Variants in CLIC5 observed in about 807,000 individuals in gnomAD.
The protein encoded by CLIC5 is CLIC family member 5, also known as chloride intracellular channel protein 5.
In CLIC5, 20 loss-of-function variants were observed where a neutral mutation model predicts 24.7. The observed-to-expected ratio is 0.81, with a 90% CI of 0.57 to 1.18. CLIC5 has a LOEUF of 1.18. Ranked by LOEUF, CLIC5 falls within the 50% of genes most tolerant of loss-of-function variation. CLIC5 has a pLI of 0.00. For missense variants in CLIC5, 341 were observed against 326.1 expected, an observed-to-expected ratio of 1.05 and a Z score of -0.35; for synonymous variants, 159 against 135.6, an observed-to-expected ratio of 1.17 and a Z score of -1.20.
At chr6:46,001,839 T>A (rs1256366597) in intron 1 of CLIC5, among the ~76,000 whole-genome samples, 1 of 151,954 alleles carries the variant, frequency 6.6e-6, no homozygotes, top group African/African-American at 2.4e-5. Context: ...TCTAAAGGAG[T>A]AGGGATACTG....
At chr6:45,994,826 G>T (rs1419643609) in intron 1 of CLIC5, among the ~76,000 whole-genome samples, 2 of 152,056 alleles carry the variant, frequency 1.3e-5, no homozygotes, top group Non-Finnish European at 2.9e-5. Context: ...ATCCTTGACA[G>T]TTGGTTACAA....
intron 1 of CLIC5, among the ~76,000 whole-genome samples, chr6:45,976,274 G>A (rs1256642101): frequency 6.6e-6 from 1 of 152,174 alleles, no homozygotes; most frequent in East Asian, 1.9e-4. Flanking sequence ...GTTTACTACT[G>A]GGTGGGACAT....
rs1257313725 is a variant in CLIC5, at chr6:45,904,744, C to CT, written c.589-1490dup. ...CTCTCCTTCTCTTCCTTCCTTCCCTCTTTTTTTTGGGGGGATACAAGGGGG... is the reference window on the plus strand; with the variant it reads ...CTCTCCTTCTCTTCCTTCCTTCCCTCTTTTTTTTTGGGGGGATACAAGGGGG... On this transcript the variant is annotated intron_variant, in intron 5 of 5. Coordinates refer to ENST00000339561, the MANE Select transcript of CLIC5 (RefSeq NM_016929.5). Among the ~76,000 whole-genome samples, 4 of 145,600 alleles carry CT rather than the reference C, an allele frequency of 2.7e-5. 1 individual carries two copies. The highest frequency in any genetic ancestry group is 4.5e-4 in the South Asian group (2 of 4,406).
intron 4 of CLIC5, among the ~76,000 whole-genome samples, chr6:45,921,363 A>G (rs1763252688): frequency 6.6e-6 from 1 of 152,188 alleles, no homozygotes; most frequent in South Asian, 2.1e-4. Flanking sequence ...AGGAAGAAAC[A>G]GAGAATCTGG....
chr6:45,948,919 TCA>T (rs1764375508), intron 3 of CLIC5, among the ~76,000 whole-genome samples: 1 of 152,144 alleles, frequency 6.6e-6, no homozygotes, highest in South Asian at 2.1e-4. Context: ...AACTTTGTCC[TCA>T]CTTCAACGTC....
intron 1 of CLIC5, among the ~76,000 whole-genome samples, chr6:46,046,540 G>T (rs1280873475): frequency 6.6e-6 from 1 of 152,192 alleles, no homozygotes; most frequent in Non-Finnish European, 1.5e-5. Flanking sequence ...AGCCTGTATG[G>T]TCAATTCAGT....
At chr6:45,889,198 T>C (rs959129111) in intron 6 of CLIC5, among the ~76,000 whole-genome samples, 10 of 146,692 alleles carry the variant, frequency 6.8e-5, no homozygotes, top group African/African-American at 2.6e-4. Flanking sequence ...GCTAGCAGAT[T>C]TGATGTCTAG....
intron 1 of CLIC5, among the ~76,000 whole-genome samples, chr6:46,006,095 T>C (rs1403062865): frequency 2.3e-5 from 1 of 43,726 alleles, no homozygotes; most frequent in Non-Finnish European, 4.2e-5. Flanking sequence ...TATAAATACA[T>C]ATATATATAT....
intron 1 of CLIC5, among the ~76,000 whole-genome samples, chr6:46,048,787 G>C (rs756603909): frequency 3.9e-5 from 6 of 152,152 alleles, no homozygotes; most frequent in Non-Finnish European, 5.9e-5. Context: ...TGTCTCCCGG[G>C]GGAAGAATGG....
chr6:46,120,959 G>GT, the CLIC5 span, among the ~76,000 whole-genome samples: 20 of 148,594 alleles, frequency 1.3e-4, no homozygotes, highest in South Asian at 2.1e-4. Flanking sequence ...TGTCTAATTG[G>GT]TTACCTGAAA....
intron 1 of CLIC5, among the ~76,000 whole-genome samples, chr6:45,973,664 C>A (rs1765276915): frequency 6.6e-6 from 1 of 152,168 alleles, no homozygotes; most frequent in Admixed American, 6.5e-5. Context: ...GGTGGCCGGG[C>A]ACAGTGGCCC....
chr6:46,043,142 T>A (rs1402877231), intron 1 of CLIC5, among the ~76,000 whole-genome samples: 1 of 152,204 alleles, frequency 6.6e-6, no homozygotes, highest in Non-Finnish European at 1.5e-5. Flanking sequence ...TGGTTGCAGT[T>A]ACTAGATGCA....
downstream of CLIC5, among the ~76,000 whole-genome samples, chr6:45,894,895 A>G (rs1038031133): frequency 1.3e-5 from 2 of 150,318 alleles, no homozygotes; most frequent in Admixed American, 6.6e-5. Flanking sequence ...TTCTGGAGAA[A>G]GTAGCAAGTT....
At chr6:45,910,744 T>C (rs1283889393) in intron 5 of CLIC5, among the ~76,000 whole-genome samples, 1 of 152,198 alleles carries the variant, frequency 6.6e-6, no homozygotes, top group Non-Finnish European at 1.5e-5. Flanking sequence ...TTTTTTGTGA[T>C]GCTGGGGCTA....
intron 1 of CLIC5, among the ~76,000 whole-genome samples, chr6:45,986,291 G>T (rs1008604714): frequency 6.6e-6 from 1 of 152,138 alleles, no homozygotes; most frequent in Non-Finnish European, 1.5e-5. Context: ...AGGAATGCAG[G>T]GTGGTCAGAA....
At chr6:46,103,156 G>A in the CLIC5 span, among the ~76,000 whole-genome samples, 1 of 152,014 alleles carries the variant, frequency 6.6e-6, no homozygotes, top group Non-Finnish European at 1.5e-5. Context: ...CTATAGTCCT[G>A]TAACTAGTTG....
chr6:46,060,304 A>AT (rs1291235525), intron 1 of CLIC5, among the ~76,000 whole-genome samples: 3 of 152,120 alleles, frequency 2.0e-5, no homozygotes, highest in Non-Finnish European at 4.4e-5. Context: ...CTTATTAAAA[A>AT]TTTTTTTAAT....
chr6:46,104,846 C>T, the CLIC5 span, among the ~76,000 whole-genome samples: 1 of 152,126 alleles, frequency 6.6e-6, no homozygotes, highest in Non-Finnish European at 1.5e-5. Flanking sequence ...AGCCCTTGTA[C>T]ATTAAAACTG....
At chr6:45,912,414 A>T in intron 5 of CLIC5, 1 of 1,123,566 alleles carries the variant, frequency 8.9e-7, no homozygotes, top group East Asian at 5.6e-5. Flanking sequence ...TCACAGGATG[A>T]AGCCCAAGGC....
Sources: allele counts gnomAD v4.1 joint callset (sites outside exome capture counted in the v4.1 genomes callset), GRCh38; gene constraint gnomAD v4.1.1; transcripts MANE v1.5; gene names NCBI Gene and HGNC (gene_info 2026-07-23, HGNC 2026-07-21).